The following CNTN1 variants were observed in gnomAD, a reference collection of about 807,000 sequenced individuals.
CNTN1 encodes the protein contactin-1.
Under a neutral mutation model 126.4 loss-of-function variants are expected in CNTN1, and 38 were observed. The observed-to-expected ratio is 0.30, with a 90% CI of 0.23 to 0.39. The LOEUF is 0.39. CNTN1 is among the 10% of genes least tolerant of loss of function. The probability of loss-of-function intolerance (pLI) is 1.00; values close to 1 mark genes in which losing one functional copy is unlikely to be tolerated. For missense variants in CNTN1, 1,009 were observed against 1,248.4 expected (o/e 0.81, Z 2.89); for synonymous variants, 413 against 422.6 (o/e 0.98, Z 0.28).
chr12:40,860,990 T>C (rs1368989397), intron 1 of CNTN1, among the ~76,000 whole-genome samples: 1 of 152,104 alleles, frequency 6.6e-6, no homozygotes, highest in African/African-American at 2.4e-5. Context: ...TTCCAAAAGC[T>C]TTAGGAGCTC....
chr12:40,756,538 A>T (rs562524431), intron 1 of CNTN1, among the ~76,000 whole-genome samples: 2 of 152,226 alleles, frequency 1.3e-5, no homozygotes, highest in East Asian at 1.9e-4. Flanking sequence ...TGTCTGAGAA[A>T]CTAGTAGGTA....
intron 1 of CNTN1, among the ~76,000 whole-genome samples, chr12:40,872,784 A>G (rs980251048): frequency 5.3e-5 from 8 of 150,884 alleles, no homozygotes; most frequent in African/African-American, 2.0e-4. Flanking sequence ...CTGGTCTCGA[A>G]CTCCTGACCT....
chr12:40,828,452 G>A (rs1449395167), intron 1 of CNTN1, among the ~76,000 whole-genome samples: 1 of 152,118 alleles, frequency 6.6e-6, no homozygotes, highest in African/African-American at 2.4e-5. Flanking sequence ...TAAACGAGAG[G>A]TGACTTTCTA....
chr12:40,936,928 C>A, intron 10 of CNTN1, 23 bp downstream of exon 10: 4 of 1,611,750 alleles, frequency 2.5e-6, no homozygotes, highest in Non-Finnish European at 3.4e-6. Flanking sequence ...AAGTGCTTTG[C>A]TGTTCCTGAG....
intron 1 of CNTN1, among the ~76,000 whole-genome samples, chr12:40,784,171 A>G (rs905119570): frequency 1.3e-5 from 2 of 152,132 alleles, no homozygotes; most frequent in Non-Finnish European, 2.9e-5. Flanking sequence ...AAGAAAATAT[A>G]ATTTCTGAAT....
intron 1 of CNTN1, among the ~76,000 whole-genome samples, chr12:40,723,784 A>G (rs1289839481): frequency 2.0e-5 from 3 of 152,200 alleles, no homozygotes; most frequent in Admixed American, 1.3e-4. Flanking sequence ...AAGTCATACT[A>G]GTTTGAAGGA....
chr12:40,944,511 A>G (rs1946370369), intron 14 of CNTN1, among the ~76,000 whole-genome samples: 1 of 152,050 alleles, frequency 6.6e-6, no homozygotes, highest in African/African-American at 2.4e-5. Context: ...AATGAAGAGC[A>G]TAGAACTTAA....
At chr12:40,823,119 A>G (rs879630303) in intron 1 of CNTN1, among the ~76,000 whole-genome samples, 1 of 152,194 alleles carries the variant, frequency 6.6e-6, no homozygotes, top group Non-Finnish European at 1.5e-5. Context: ...TATTTTAGTA[A>G]CATAATAACA....
At chr12:40,831,964 G>A (rs1292125742) in intron 1 of CNTN1, among the ~76,000 whole-genome samples, 1 of 152,136 alleles carries the variant, frequency 6.6e-6, no homozygotes, top group Non-Finnish European at 1.5e-5. Flanking sequence ...GCACCTGGAG[G>A]AAGAATATGT....
intron 1 of CNTN1, among the ~76,000 whole-genome samples, chr12:40,805,072 G>A (rs11178471): frequency 0.012 from 1,768 of 152,050 alleles, 31 homozygotes; most frequent in African/African-American, 0.037. Context: ...TATTCTCACT[G>A]CCTTTAACAT....
At chr12:40,711,579 G>A (rs925074105) in intron 1 of CNTN1, among the ~76,000 whole-genome samples, 3 of 151,924 alleles carry the variant, frequency 2.0e-5, no homozygotes, top group South Asian at 4.2e-4. Context: ...TTAAACAAAC[G>A]AAAACTCTCC....
chr12:40,736,422 A>G (rs1445608108), intron 1 of CNTN1, among the ~76,000 whole-genome samples: 1 of 152,080 alleles, frequency 6.6e-6, no homozygotes, highest in Non-Finnish European at 1.5e-5. Flanking sequence ...TCACATGAGA[A>G]AAAAAATAAT....
intron 1 of CNTN1, among the ~76,000 whole-genome samples, chr12:40,819,974 G>C (rs541881080): frequency 6.6e-6 from 1 of 152,146 alleles, no homozygotes; most frequent in Non-Finnish European, 1.5e-5. Context: ...TCTTCTCTCC[G>C]TGGGTCATGC....
At chr12:40,831,012 A>G (rs1941814168) in intron 1 of CNTN1, among the ~76,000 whole-genome samples, 1 of 141,232 alleles carries the variant, frequency 7.1e-6, no homozygotes, top group African/African-American at 2.7e-5. Flanking sequence ...ATAAGTTAAT[A>G]TATAGTATAG....
rs143615847 is a variant in CNTN1 at position 40,831,399 on chromosome 12, T to C, written c.-76-76958T>C. The stretch of plus-strand genomic sequence containing the variant: ...GAAAATTTCCCATAGGGCACTTCAG[T>C]AAACAGTCCTGATGAGTTGCAAGCT... On this transcript the variant is annotated intron_variant, in intron 1 of 23. Coordinates refer to ENST00000551295, the MANE Select transcript of CNTN1 (RefSeq NM_001843.4). Among the ~76,000 whole-genome samples the C allele has an allele frequency of 4.6e-3, 705 of 152,084 alleles. 6 individuals are homozygous for C. Among genetic ancestry groups the C allele is most frequent in the African/African-American group, 0.013 (526 of 41,538 alleles).
At chr12:40,923,131 C>T (rs766469135) in intron 5 of CNTN1, among the ~76,000 whole-genome samples, 15 of 151,868 alleles carry the variant, frequency 9.9e-5, no homozygotes, top group Non-Finnish European at 2.9e-5. Flanking sequence ...CCCAATATGA[C>T]AATATTGTAT....
intron 1 of CNTN1, among the ~76,000 whole-genome samples, chr12:40,763,826 A>T (rs182351859): frequency 3.9e-5 from 6 of 152,318 alleles, no homozygotes; most frequent in African/African-American, 1.4e-4. Flanking sequence ...TTCTAAGTAC[A>T]CTTATTTCCC....
chr12:40,952,685 C>G (rs1034908811), intron 14 of CNTN1, among the ~76,000 whole-genome samples: 5 of 151,988 alleles, frequency 3.3e-5, no homozygotes, highest in African/African-American at 1.2e-4. Flanking sequence ...TTATAACAAC[C>G]TTTGACACCT....
At chr12:40,996,795 T>C (rs1447342234) in intron 17 of CNTN1, among the ~76,000 whole-genome samples, 1 of 152,240 alleles carries the variant, frequency 6.6e-6, no homozygotes, top group Non-Finnish European at 1.5e-5. Context: ...TTATTAAAAT[T>C]GAATATGCAT....
Sources: allele counts gnomAD v4.1 joint callset (sites outside exome capture counted in the v4.1 genomes callset), GRCh38; gene constraint gnomAD v4.1.1; transcripts MANE v1.5; gene names NCBI Gene and HGNC (gene_info 2026-07-23, HGNC 2026-07-21).